SUCO: variants seen among roughly 807,000 people sequenced by gnomAD.
The protein encoded by SUCO is SUN domain-containing ossification factor.
A neutral mutation model predicts 148.1 loss-of-function variants in SUCO; 57 were observed. That is an observed-to-expected ratio of 0.38 (90% confidence interval 0.31 to 0.48). The LOEUF (loss-of-function observed/expected upper bound fraction) is 0.48. Ranked by LOEUF, SUCO falls within the 20% of genes least tolerant of loss-of-function variation. The pLI, the probability that SUCO is intolerant of heterozygous loss-of-function variation, is 0.96. For missense variants in SUCO, 1,331 were observed against 1,468.2 expected, an observed-to-expected ratio of 0.91 and a Z score of 1.53; for synonymous variants, 470 against 502.7, an observed-to-expected ratio of 0.93 and a Z score of 0.87.
Position 172,591,855 on chromosome 1 carries a change from A to G in SUCO, c.2913+784A>G, listed in dbSNP as rs189346052. Among the ~76,000 whole-genome samples the G allele has an allele frequency of 3.0e-3, 457 of 152,320 alleles. 1 individual carries two copies. Among genetic ancestry groups the G allele is most frequent in the African/African-American group, 0.011 (442 of 41,570 alleles). On this transcript the variant is annotated intron_variant, in intron 19 of 23. Coordinates refer to ENST00000263688, the MANE Select transcript of SUCO (RefSeq NM_014283.5). ...TTCTAGATCTCTGAGGAATCGCCAC[A>G]CTGTCTTCCACCATGGTTGAACTAG...
At chr1:172,539,798 A>T (rs879341386) in intron 1 of SUCO, among the ~76,000 whole-genome samples, 16 of 152,208 alleles carry the variant, frequency 1.1e-4, no homozygotes, top group Non-Finnish European at 1.8e-4. Context: ...TTCAGAGTTA[A>T]AAATGGGAAT....
chr1:172,597,419 C>T (rs1298062206), intron 19 of SUCO, among the ~76,000 whole-genome samples: 3 of 152,172 alleles, frequency 2.0e-5, no homozygotes, highest in African/African-American at 4.8e-5. Context: ...TGGAACCTTC[C>T]AAGAAAGTTT....
At chr1:172,551,685 A>AGCTG in intron 2 of SUCO, 59 bp downstream of exon 2, 2 of 1,092,910 alleles carry the variant, frequency 1.8e-6, no homozygotes, top group South Asian at 1.5e-5. Flanking sequence ...AGTGTCTGAA[A>AGCTG]ACATTCAGAA....
intron 2 of SUCO, 33 bp from the exon 3 acceptor site, chr1:172,553,227 T>C (rs2149229292): frequency 6.6e-7 from 1 of 1,520,636 alleles, no homozygotes; most frequent in South Asian, 1.3e-5. Flanking sequence ...AAAACAGTTT[T>C]ATCAGGTGAT....
At chr1:172,571,100 C>T (rs1654929726) in intron 9 of SUCO, among the ~76,000 whole-genome samples, 1 of 152,210 alleles carries the variant, frequency 6.6e-6, no homozygotes, top group Admixed American at 6.5e-5. Context: ...CAGAGGTATT[C>T]AGGAACTGTA....
At chr1:172,545,178 T>C (rs1371527568) in intron 1 of SUCO, among the ~76,000 whole-genome samples, 4 of 152,124 alleles carry the variant, frequency 2.6e-5, no homozygotes, top group African/African-American at 9.7e-5. Flanking sequence ...ATGTATTCAA[T>C]TTTGGATTTA....
chr1:172,532,670 C>A, upstream of SUCO: 2 of 1,613,976 alleles, frequency 1.2e-6, no homozygotes, highest in African/African-American at 2.7e-5. Context: ...TGGTGAGCAG[C>A]GAAACTATAG....
chr1:172,597,373 G>A (rs1657189695), intron 19 of SUCO, among the ~76,000 whole-genome samples: 2 of 152,176 alleles, frequency 1.3e-5, no homozygotes, highest in Admixed American at 6.5e-5. Context: ...CTGATGCTGG[G>A]GGCTGTAGAC....
chr1:172,551,379 A>G (rs549184190), intron 1 of SUCO, 133 bp from the exon 2 acceptor site: 14 of 500,460 alleles, frequency 2.8e-5, no homozygotes, highest in African/African-American at 1.4e-4. Context: ...GTTAAAAGGT[A>G]TTAGGATAGG....
At chr1:172,587,938 T>TC (rs1228918115) in intron 17 of SUCO, 1 of 224,114 alleles carries the variant, frequency 4.5e-6, no homozygotes, top group African/African-American at 2.3e-5. Context: ...ATAAGCTTCA[T>TC]CCCCCCACTC....
intron 10 of SUCO, chr1:172,574,877 G>C: frequency 3.0e-6 from 3 of 985,060 alleles, no homozygotes; most frequent in Non-Finnish European, 3.6e-6. Context: ...TGAGAATTCT[G>C]TTATTCTGCC....
chr1:172,545,893 T>C (rs929058478), intron 1 of SUCO, among the ~76,000 whole-genome samples: 2 of 152,084 alleles, frequency 1.3e-5, no homozygotes, highest in African/African-American at 2.4e-5. Flanking sequence ...TCCGTCCTTC[T>C]GTCCGTCCGT....
intron 6 of SUCO, among the ~76,000 whole-genome samples, chr1:172,564,950 C>G (rs1337127043): frequency 6.6e-6 from 1 of 152,032 alleles, no homozygotes; most frequent in Non-Finnish European, 1.5e-5. Flanking sequence ...TTATGTAAAC[C>G]TAGCAAGAAA....
intron 19 of SUCO, among the ~76,000 whole-genome samples, chr1:172,591,850 G>A (rs1160595053): frequency 2.0e-5 from 3 of 152,100 alleles, no homozygotes; most frequent in African/African-American, 4.8e-5. Flanking sequence ...CTGAGGAATC[G>A]CCACACTGTC....
chr1:172,552,698 T>G (rs1181631564), intron 2 of SUCO: 1 of 892,868 alleles, frequency 1.1e-6, no homozygotes, highest in Non-Finnish European at 1.3e-6. Flanking sequence ...TATATAAGAT[T>G]TTGATTTAAT....
intron 1 of SUCO, chr1:172,543,032 G>C: frequency 1.0e-6 from 1 of 982,444 alleles, no homozygotes; most frequent in Non-Finnish European, 1.2e-6. Context: ...AGATGTAGAA[G>C]AGTACATAAA....
At chr1:172,562,109 A>G (rs556509847) in intron 6 of SUCO, among the ~76,000 whole-genome samples, 42 of 152,264 alleles carry the variant, frequency 2.8e-4, no homozygotes, top group African/African-American at 1.0e-3. Flanking sequence ...TACTGGAGGA[A>G]AACACTGCTC....
intron 6 of SUCO, among the ~76,000 whole-genome samples, chr1:172,566,634 C>T (rs1020760595): frequency 1.3e-5 from 2 of 152,238 alleles, no homozygotes; most frequent in Admixed American, 1.3e-4. Flanking sequence ...AGCAGCAGCT[C>T]AGAGGCAGTT....
At chr1:172,597,066 T>G (rs569176773) in intron 19 of SUCO, among the ~76,000 whole-genome samples, 179 of 152,354 alleles carry the variant, frequency 1.2e-3, no homozygotes, top group Non-Finnish European at 2.2e-3. Flanking sequence ...CGAGGCTCCG[T>G]GGGCATGGGA....
Sources: allele counts gnomAD v4.1 joint callset (sites outside exome capture counted in the v4.1 genomes callset), GRCh38; gene constraint gnomAD v4.1.1; transcripts MANE v1.5; gene names NCBI Gene and HGNC (gene_info 2026-07-23, HGNC 2026-07-21).